Variants in PCDH11Y observed in about 807,000 individuals in gnomAD.
The protein encoded by PCDH11Y is protocadherin 11 Y-linked.
For missense variants in PCDH11Y, 12 were observed against 224.8 expected (o/e 0.05, Z 6.05); for synonymous variants, 9 against 83.6 (o/e 0.11, Z 4.87).
At chrY:5,342,407 A>C in intron 2 of PCDH11Y, among the ~76,000 whole-genome samples, 1 of 33,783 alleles carries the variant, frequency 3.0e-5, no homozygotes, top group African/African-American at 1.2e-4. Context: ...CAGTCCATGA[A>C]ATGCTCATTA....
intron 4 of PCDH11Y, among the ~76,000 whole-genome samples, chrY:5,633,162 C>G: frequency 6.1e-5 from 2 of 32,750 alleles, no homozygotes; most frequent in African/African-American, 2.4e-4. Context: ...TCTGGCTTCA[C>G]TTAGCATAGT....
chrY:5,654,183 A>G (rs1602956612), intron 4 of PCDH11Y, among the ~76,000 whole-genome samples: 1 of 33,020 alleles, frequency 3.0e-5, no homozygotes, highest in African/African-American at 1.2e-4. Context: ...ACAGTGAGAT[A>G]CCATCTCACA....
At chrY:5,018,508 TGA>T (rs2052563998) in intron 1 of PCDH11Y, among the ~76,000 whole-genome samples, 1 of 28,735 alleles carries the variant, frequency 3.5e-5, no homozygotes, top group Admixed American at 3.3e-4. Context: ...CTCATAATAC[TGA>T]GATAAATACT....
intron 1 of PCDH11Y, among the ~76,000 whole-genome samples, chrY:5,016,144 T>G: frequency 2.1e-4 from 7 of 33,636 alleles, no homozygotes; most frequent in African/African-American, 1.2e-4. Context: ...TTTTTTTGTC[T>G]TTGTGCATAA....
At chrY:5,444,720 G>T in intron 2 of PCDH11Y, among the ~76,000 whole-genome samples, 4 of 31,329 alleles carry the variant, frequency 1.3e-4, no homozygotes, top group African/African-American at 5.0e-4. Context: ...TTACCCAAGA[G>T]AAATGAAACT....
At chrY:5,354,060 C>T in intron 2 of PCDH11Y, among the ~76,000 whole-genome samples, 1 of 33,457 alleles carries the variant, frequency 3.0e-5, no homozygotes, top group Admixed American at 2.8e-4. Flanking sequence ...GCCTGTGGCC[C>T]CATAAACCAA....
chrY:5,385,932 G>A (rs2053214443), intron 2 of PCDH11Y, among the ~76,000 whole-genome samples: 2 of 33,089 alleles, frequency 6.0e-5, no homozygotes, highest in Non-Finnish European at 1.5e-4. Context: ...TATAGATTGT[G>A]AAGATTTTCT....
intron 2 of PCDH11Y, among the ~76,000 whole-genome samples, chrY:5,186,049 G>C: frequency 3.1e-5 from 1 of 31,967 alleles, no homozygotes; most frequent in Admixed American, 2.9e-4. Context: ...TTAAGATCAG[G>C]AGCAAGGATG....
At chrY:5,583,474 T>C in intron 4 of PCDH11Y, among the ~76,000 whole-genome samples, 1 of 30,641 alleles carries the variant, frequency 3.3e-5, no homozygotes, top group African/African-American at 1.3e-4. Context: ...TTTGGGAGTA[T>C]GAATATCTTA....
intron 2 of PCDH11Y, among the ~76,000 whole-genome samples, chrY:5,287,630 G>A (rs2053061838): frequency 3.1e-5 from 1 of 32,418 alleles, no homozygotes; most frequent in African/African-American, 1.2e-4. Flanking sequence ...CATGGATGAA[G>A]CTGGAAACCG....
At chrY:5,247,609 T>G in intron 2 of PCDH11Y, among the ~76,000 whole-genome samples, 1 of 32,757 alleles carries the variant, frequency 3.1e-5, no homozygotes, top group African/African-American at 1.2e-4. Flanking sequence ...TAGCACTAAA[T>G]GCCCACATCA....
At chrY:5,282,569 C>A (rs2124660915) in intron 2 of PCDH11Y, among the ~76,000 whole-genome samples, 1 of 33,299 alleles carries the variant, frequency 3.0e-5, no homozygotes, top group East Asian at 7.7e-4. Context: ...TGTTGCTCTT[C>A]TCACTTTATT....
At chrY:5,003,413 TA>T (rs2052534735) in intron 1 of PCDH11Y, among the ~76,000 whole-genome samples, 2 of 30,243 alleles carry the variant, frequency 6.6e-5, no homozygotes, top group East Asian at 9.1e-4. Context: ...AACGCCTCTT[TA>T]AAAAAAAAAC....
intron 2 of PCDH11Y, among the ~76,000 whole-genome samples, chrY:5,232,138 C>G: frequency 3.0e-5 from 1 of 33,263 alleles, no homozygotes; most frequent in African/African-American, 1.2e-4. Context: ...TGGTGGTCTA[C>G]TGACCTCCAC....
At chrY:5,343,415 A>G (rs2053148385) in intron 2 of PCDH11Y, among the ~76,000 whole-genome samples, 1 of 29,571 alleles carries the variant, frequency 3.4e-5, no homozygotes, top group South Asian at 8.1e-4. Context: ...CACCACACCC[A>G]GCTAATTTTT....
At chrY:5,303,462 A>G in intron 2 of PCDH11Y, among the ~76,000 whole-genome samples, 1 of 32,668 alleles carries the variant, frequency 3.1e-5, no homozygotes, top group Non-Finnish European at 7.5e-5. Flanking sequence ...ACATGCCTAT[A>G]TAGAATTGTC....
intron 4 of PCDH11Y, among the ~76,000 whole-genome samples, chrY:5,667,108 C>CTATATATA (rs58527993): frequency 4.4e-5 from 1 of 22,793 alleles, no homozygotes; most frequent in African/African-American, 2.2e-4. Flanking sequence ...GCCATCATGG[C>CTATATATA]TATATATATA....
At chrY:5,532,871 G>A (rs2053396451) in intron 3 of PCDH11Y, among the ~76,000 whole-genome samples, 1 of 14,437 alleles carries the variant, frequency 6.9e-5, no homozygotes, top group African/African-American at 3.0e-4. Flanking sequence ...TCGCTTTGTC[G>A]CCCAGGCTGG....
At chrY:5,054,371 C>T (rs2052657811), upstream of PCDH11Y, among the ~76,000 whole-genome samples, 1 of 18,301 alleles carries the variant, frequency 5.5e-5, no homozygotes, top group Non-Finnish European at 1.2e-4. Context: ...CAGATTATTT[C>T]GTCACCCAGG....
Sources: gnomAD v4.1 joint callset for allele counts (sites outside exome capture counted in the v4.1 genomes callset) on GRCh38, gnomAD v4.1.1 for gene constraint, MANE v1.5 for transcripts, NCBI Gene and HGNC (gene_info 2026-07-23, HGNC 2026-07-21) for gene names.